The following FBXO42 variants were observed in gnomAD, a reference collection of about 807,000 sequenced individuals.
FBXO42 encodes the protein F-box protein 42.
In FBXO42, 12 loss-of-function variants were observed where a neutral mutation model predicts 71.7. The ratio of observed to expected loss-of-function variants is 0.17; its 90% CI spans 0.11 to 0.27. The LOEUF is 0.27. FBXO42 is among the 10% of genes least tolerant of loss of function. FBXO42 has a pLI of 1.00. For synonymous variants in FBXO42, 325 were observed against 327.5 expected (o/e 0.99, Z 0.08); for missense variants, 707 against 911.9 (o/e 0.78, Z 2.89).
chr1:16,268,890 C>G (rs2100466761), intron 4 of FBXO42, among the ~76,000 whole-genome samples: 1 of 150,940 alleles, frequency 6.6e-6, no homozygotes, highest in African/African-American at 2.4e-5. Context: ...GAGGCTGAGA[C>G]AGGAGAATTA....
chr1:16,326,141 C>T (rs1040040940), intron 1 of FBXO42, among the ~76,000 whole-genome samples: 2 of 151,290 alleles, frequency 1.3e-5, no homozygotes, highest in Non-Finnish European at 2.9e-5. Flanking sequence ...CTGCAACCTC[C>T]ACCTCCTGAG....
At position 16,281,181 on chromosome 1, in the gene FBXO42, C is replaced by T. The variant is rs1557582304; in HGVS notation, c.502+13602G>A. Among the ~76,000 whole-genome samples, 4 of 152,126 alleles carry T rather than the reference C, an allele frequency of 2.6e-5. No homozygotes were observed. In the South Asian group the frequency reaches 8.3e-4, roughly 31 times the overall value. On this transcript the variant is annotated intron_variant, in intron 4 of 9. Transcript: ENST00000375592. ...TTCTCCATGTTGGTCAGGCTGGTCT[C>T]GAACTCCTGACCTCAGGTGATCCGC...
At chr1:16,283,493 A>AGTTTTTTTTTTGT (rs2081986830) in intron 4 of FBXO42, among the ~76,000 whole-genome samples, 1 of 64,632 alleles carries the variant, frequency 1.5e-5, no homozygotes, top group African/African-American at 4.5e-5. Context: ...AACTGTGGCA[A>AGTTTTTTTTTTGT]GTTTTTTTTT....
chr1:16,351,338 G>A (rs1024874906), intron 1 of FBXO42, among the ~76,000 whole-genome samples: 3 of 152,040 alleles, frequency 2.0e-5, no homozygotes, highest in Non-Finnish European at 4.4e-5. Flanking sequence ...TCTCAAAAAG[G>A]AACAACATAG....
At chr1:16,293,835 C>T (rs2082103446) in intron 4 of FBXO42, 2 of 152,298 alleles carry the variant, frequency 1.3e-5, no homozygotes, top group African/African-American at 2.4e-5. Flanking sequence ...ACATTTCTCC[C>T]AGAGAAGTGC....
rs546570439 is a variant in FBXO42, at chr1:16,253,537, G to A, written c.864+98C>T. 4.0e-5 allele frequency: 39 copies of A among 979,572 alleles called. No homozygotes were observed. In the South Asian group the frequency reaches 5.2e-4, roughly 13 times the overall value. 60.7% of individuals were successfully genotyped at this position (979,572 alleles called of 1,614,324 possible). On this transcript the variant is annotated intron_variant, in intron 7 of 9. Transcript: ENST00000375592. Reference sequence around the variant, plus strand: ...AGAATGATACATTTTCTTTGGCTTAGTGCATATTGGCATCTTACCTGACTC... The same window carrying A: ...AGAATGATACATTTTCTTTGGCTTAATGCATATTGGCATCTTACCTGACTC...
intron 1 of FBXO42, among the ~76,000 whole-genome samples, chr1:16,344,486 C>CTTT (rs59077549): frequency 4.6e-5 from 4 of 87,158 alleles, no homozygotes; most frequent in Admixed American, 1.4e-4. Flanking sequence ...ACCCAGCTAA[C>CTTT]TTTTTTTTTT....
intron 1 of FBXO42, among the ~76,000 whole-genome samples, chr1:16,332,320 C>T (rs545813181): frequency 2.0e-5 from 3 of 152,060 alleles, no homozygotes; most frequent in African/African-American, 7.2e-5. Context: ...CAATGGGAGG[C>T]ACATTGTTAT....
At chr1:16,255,936 T>C (rs2081638340) in intron 5 of FBXO42, 115 bp from the exon 6 acceptor site, 1 of 738,060 alleles carries the variant, frequency 1.4e-6, no homozygotes, top group Non-Finnish European at 2.2e-6. Context: ...AGAGATTTGT[T>C]GGGATAATAA....
intron 4 of FBXO42, among the ~76,000 whole-genome samples, chr1:16,278,020 TG>T (rs2081923177): frequency 6.8e-6 from 1 of 147,040 alleles, no homozygotes; most frequent in Non-Finnish European, 1.5e-5. Context: ...CCAGCCTGGG[TG>T]ATGGAGTGAC....
In FBXO42 at chr1:16,250,841, T is replaced by C. The variant is rs200284191; in HGVS notation, c.1983A>G (p.Lys661=). The change falls in exon 10 of 10, where the codon AAA becomes AAG. Residue 661 remains lysine (K), a synonymous_variant. Transcript: ENST00000375592. This position sits in a 1 kb window ranked among gnomAD's most constrained non-coding sequence, Gnocchi z 4.7. ...CAGAACTGCTATTAAATACTTTCCA[T>C]TTGACCCGCCCCTTCTCCTTGGTGT... The part of the protein sequence containing the change: ...IKDTKEKGRV[K]WKVFNSSSVV... 296 of 1,614,188 alleles carry C rather than the reference T, an allele frequency of 1.8e-4. 3 individuals are homozygous for C. In the East Asian group the frequency reaches 4.6e-3, roughly 25 times the overall value.
intron 1 of FBXO42, among the ~76,000 whole-genome samples, chr1:16,322,601 T>TA (rs958197173): frequency 1.8e-4 from 26 of 147,994 alleles, no homozygotes; most frequent in Non-Finnish European, 3.3e-4. Flanking sequence ...TTTTAAAAAC[T>TA]AAAAAAAAAA....
At chr1:16,342,003 G>A (rs561174362) in intron 1 of FBXO42, among the ~76,000 whole-genome samples, 6 of 150,822 alleles carry the variant, frequency 4.0e-5, no homozygotes, top group South Asian at 4.2e-4. Context: ...TGGGCCAGGC[G>A]CAGTGGCTCA....
intron 4 of FBXO42, among the ~76,000 whole-genome samples, chr1:16,268,933 C>T (rs2081807961): frequency 6.6e-6 from 1 of 150,596 alleles, no homozygotes; most frequent in African/African-American, 2.4e-5. Flanking sequence ...CTCAGCCTCC[C>T]GAGTAGCTGG....
intron 4 of FBXO42, among the ~76,000 whole-genome samples, chr1:16,269,021 G>C (rs1231209217): frequency 6.6e-6 from 1 of 151,894 alleles, no homozygotes; most frequent in African/African-American, 2.4e-5. Context: ...ATGTTGGCCA[G>C]GCTGGTCTCG....
chr1:16,320,715 G>A (rs2082404237), intron 1 of FBXO42, among the ~76,000 whole-genome samples: 1 of 151,280 alleles, frequency 6.6e-6, no homozygotes, highest in Non-Finnish European at 1.5e-5. Context: ...CTGGAGTGCA[G>A]TGGCATGATC....
At chr1:16,324,046 A>G (rs1168320534) in intron 1 of FBXO42, among the ~76,000 whole-genome samples, 2 of 152,142 alleles carry the variant, frequency 1.3e-5, no homozygotes, top group African/African-American at 4.8e-5. Flanking sequence ...TGAATGAGAG[A>G]TTTAAAGAAG....
intron 4 of FBXO42, among the ~76,000 whole-genome samples, chr1:16,258,862 C>G (rs935446733): frequency 1.3e-5 from 2 of 152,018 alleles, no homozygotes; most frequent in South Asian, 2.1e-4. Flanking sequence ...TTCAGCCTCT[C>G]GAGTAGCAGA....
chr1:16,313,466 C>T (rs1161027897), intron 2 of FBXO42, among the ~76,000 whole-genome samples: 3 of 152,136 alleles, frequency 2.0e-5, no homozygotes, highest in Non-Finnish European at 4.4e-5. Flanking sequence ...CTGTGGTTTT[C>T]CTCCCTTTAT....
Sources: allele counts gnomAD v4.1 joint callset (sites outside exome capture counted in the v4.1 genomes callset), GRCh38; gene constraint gnomAD v4.1.1; non-coding constraint Gnocchi (gnomAD v3.1); transcripts MANE v1.5; gene names NCBI Gene and HGNC (gene_info 2026-07-23, HGNC 2026-07-21).